The following SLC12A2 variants were observed in gnomAD, a reference collection of about 807,000 sequenced individuals.
The protein encoded by SLC12A2 is solute carrier family 12 member 2, also known as Na-K-2Cl cotransporter 1.
Under a neutral mutation model 136.3 loss-of-function variants are expected in SLC12A2, and 67 were observed. The observed-to-expected ratio is 0.49, with a 90% confidence interval of 0.40 to 0.60. The LOEUF is 0.60. SLC12A2 is among the 20% of genes least tolerant of loss of function. The probability of loss-of-function intolerance (pLI) is 0.00; values close to 1 mark genes in which losing one functional copy is unlikely to be tolerated. For synonymous variants in SLC12A2, 619 were observed against 562.9 expected, an observed-to-expected ratio of 1.10 and a Z score of -1.41; for missense variants, 1,322 against 1,534.7, an observed-to-expected ratio of 0.86 and a Z score of 2.32.
chr5:128,157,704 C>CT (rs1479766890), intron 15 of SLC12A2, among the ~76,000 whole-genome samples: 1 of 152,010 alleles, frequency 6.6e-6, no homozygotes, highest in Non-Finnish European at 1.5e-5. Context: ...TATGCAAACT[C>CT]TGTGAAAGAA....
chr5:128,138,798 CT>C, intron 8 of SLC12A2, 25 bp from the exon 9 acceptor site: 1 of 1,604,436 alleles, frequency 6.2e-7, no homozygotes, highest in Non-Finnish European at 8.5e-7. Flanking sequence ...TACAGATAGA[CT>C]TTAAAAAATC....
chr5:128,135,911 T>C (rs919678245), intron 7 of SLC12A2, 103 bp downstream of exon 7: 17 of 737,134 alleles, frequency 2.3e-5, no homozygotes, highest in Non-Finnish European at 3.7e-5. Flanking sequence ...GAATTGACTA[T>C]GGTTTGGTGA....
chr5:128,156,862 C>G (rs1467092197), intron 15 of SLC12A2, among the ~76,000 whole-genome samples: 1 of 152,044 alleles, frequency 6.6e-6, no homozygotes. Flanking sequence ...AAGGACACGC[C>G]CTGGAAATAG....
intron 15 of SLC12A2, among the ~76,000 whole-genome samples, chr5:128,153,853 G>C (rs1762788005): frequency 6.6e-6 from 1 of 151,978 alleles, no homozygotes; most frequent in Admixed American, 6.6e-5. Flanking sequence ...AAAGGTCTGA[G>C]AGACCACACG....
In SLC12A2 at chr5:128,173,064, T is replaced by G. The variant is rs117078371; in HGVS notation, c.2803+1318T>G. On this transcript the variant is annotated intron_variant, in intron 19 of 26. Coordinates refer to ENST00000262461, the MANE Select transcript of SLC12A2 (RefSeq NM_001046.3). Reference sequence around the variant, plus strand: ...TTATAAGCTTAAGAAAATTTACATATATAACATATTACCCCTATCAATTAA... The same window carrying G: ...TTATAAGCTTAAGAAAATTTACATAGATAACATATTACCCCTATCAATTAA... Among the ~76,000 whole-genome samples the G allele has an allele frequency of 5.6e-4, 85 of 152,252 alleles. No homozygotes were observed. The East Asian group carries it at 0.016, about 28-fold the overall frequency.
At chr5:128,177,180 A>G (rs1267837487) in intron 21 of SLC12A2, 28 bp downstream of exon 21, 9 of 1,563,006 alleles carry the variant, frequency 5.8e-6, no homozygotes, top group Non-Finnish European at 7.8e-6. Context: ...TTTTATTTTA[A>G]ACCCTTTTTC....
intron 22 of SLC12A2, among the ~76,000 whole-genome samples, chr5:128,180,488 C>T (rs772289612): frequency 1.3e-5 from 2 of 152,180 alleles, no homozygotes; most frequent in Non-Finnish European, 2.9e-5. Flanking sequence ...GAGCCAGGAA[C>T]TCCTTGTGTG....
intron 15 of SLC12A2, among the ~76,000 whole-genome samples, chr5:128,156,414 A>G (rs1762872145): frequency 6.6e-6 from 1 of 152,192 alleles, no homozygotes; most frequent in Admixed American, 6.5e-5. Context: ...GATTACATCA[A>G]GGTAGATGTG....
chr5:128,084,760 C>T lies in SLC12A2; in HGVS notation c.756+50C>T. The T allele has an allele frequency of 6.7e-7, 1 of 1,490,652 alleles. No individual in the cohort carries two copies. Among genetic ancestry groups the T allele is most frequent in the Non-Finnish European group, 9.0e-7 (1 of 1,116,142 alleles). The allele number at this position is 1,490,652 out of a possible 1,614,324, so 92.3% of individuals were successfully genotyped here. A position where few individuals can be genotyped will look rare whatever the true frequency, so the allele number is the denominator to read the frequency against. On this transcript the variant is annotated intron_variant, in intron 1 of 26. Coordinates refer to ENST00000262461, the MANE Select transcript of SLC12A2 (RefSeq NM_001046.3). This position sits in a 1 kb window ranked among gnomAD's most constrained non-coding sequence, Gnocchi z 5.6. ...TTCCCCAGCCCCTGGTGCATGCCGA[C>T]CGCGGGATGTGGCTGCAGACTCTTC...
chr5:128,135,374 T>C (rs1385005565), intron 6 of SLC12A2, among the ~76,000 whole-genome samples: 1 of 152,090 alleles, frequency 6.6e-6, no homozygotes, highest in African/African-American at 2.4e-5. Flanking sequence ...ATGAATGATC[T>C]AGAATGAAAG....
chr5:128,127,703 A>G (rs1251797414), intron 4 of SLC12A2, among the ~76,000 whole-genome samples: 1 of 152,026 alleles, frequency 6.6e-6, no homozygotes, highest in African/African-American at 2.4e-5. Flanking sequence ...ATCTAGTTGC[A>G]AAATCATTGT....
At chr5:128,113,985 C>G (rs761191069) in intron 2 of SLC12A2, among the ~76,000 whole-genome samples, 2 of 152,170 alleles carry the variant, frequency 1.3e-5, no homozygotes, top group Non-Finnish European at 2.9e-5. Flanking sequence ...CATTTATTTT[C>G]ATACACACTT....
intron 21 of SLC12A2, among the ~76,000 whole-genome samples, chr5:128,178,042 G>A (rs1763588235): frequency 6.6e-6 from 1 of 152,138 alleles, no homozygotes; most frequent in African/African-American, 2.4e-5. Flanking sequence ...TCTTTCCTTA[G>A]ACTAAGGTTT....
intron 5 of SLC12A2, 138 bp downstream of exon 5, chr5:128,131,344 T>C (rs1762016503): frequency 3.4e-6 from 3 of 874,386 alleles, no homozygotes; most frequent in Admixed American, 2.4e-5. Flanking sequence ...CTACAGGAGA[T>C]AGGCAAAGAA....
At chr5:128,131,399 C>G (rs755150518) in intron 5 of SLC12A2, among the ~76,000 whole-genome samples, 193 bp downstream of exon 5, 5 of 152,092 alleles carry the variant, frequency 3.3e-5, no homozygotes, top group Admixed American at 6.5e-5. Flanking sequence ...CGCGGTGGCT[C>G]GCGCATGTAA....
chr5:128,102,249 T>C (rs1253444583), intron 1 of SLC12A2, among the ~76,000 whole-genome samples: 1 of 152,126 alleles, frequency 6.6e-6, no homozygotes, highest in Admixed American at 6.6e-5. Context: ...AAAATACAAA[T>C]GTATAACGTA....
At chr5:128,106,165 T>G (rs1760926996) in intron 1 of SLC12A2, among the ~76,000 whole-genome samples, 1 of 152,208 alleles carries the variant, frequency 6.6e-6, no homozygotes, top group Non-Finnish European at 1.5e-5. Flanking sequence ...CTTCATTTAA[T>G]AAACCATTAC....
chr5:128,178,473 C>A, intron 21 of SLC12A2, 94 bp from the exon 22 acceptor site: 1 of 883,878 alleles, frequency 1.1e-6, no homozygotes, highest in Non-Finnish European at 1.6e-6. Context: ...GTATAAACAT[C>A]TGAATATACA....
intron 1 of SLC12A2, among the ~76,000 whole-genome samples, chr5:128,102,462 G>T (rs1474125020): frequency 6.6e-6 from 1 of 151,342 alleles, no homozygotes; most frequent in Non-Finnish European, 1.5e-5. Flanking sequence ...AAGACTATTA[G>T]TCAGTTTTTC....
Sources: allele counts gnomAD v4.1 joint callset (sites outside exome capture counted in the v4.1 genomes callset), GRCh38; gene constraint gnomAD v4.1.1; non-coding constraint Gnocchi (gnomAD v3.1); transcripts MANE v1.5; gene names NCBI Gene and HGNC (gene_info 2026-07-23, HGNC 2026-07-21).